INPP4B: variants seen among roughly 807,000 people sequenced by gnomAD.
INPP4B encodes inositol polyphosphate-4-phosphatase type II B.
In INPP4B, 55 loss-of-function variants were observed where a neutral mutation model predicts 122.5. The ratio of observed to expected loss-of-function variants is 0.45; its 90% confidence interval spans 0.36 to 0.56. The LOEUF is 0.56. INPP4B is among the 20% of genes least tolerant of loss of function. INPP4B has a pLI of 0.00. For missense variants in INPP4B, 1,000 were observed against 1,097.7 expected (o/e 0.91, Z 1.26); for synonymous variants, 403 against 388.7 (o/e 1.04, Z -0.43).
At chr4:142,688,285 A>T (rs1486907153) in intron 2 of INPP4B, among the ~76,000 whole-genome samples, 1 of 152,144 alleles carries the variant, frequency 6.6e-6, no homozygotes, top group Non-Finnish European at 1.5e-5. Flanking sequence ...TTTCTCTGTG[A>T]GTGCTGAAAG....
rs1278492611 is a variant in INPP4B at position 142,383,940 on chromosome 4, CTGT to C, written c.372+18995_372+18997del. On this transcript the variant is annotated intron_variant, in intron 7 of 25. Coordinates refer to ENST00000262992, the MANE Select transcript of INPP4B (RefSeq NM_001101669.3). ...CATGTCCAGCTATTTCACAAGAAAACTGTTGTGTCTCATTAAGTTACCATCGTG... is the reference window on the plus strand; with the variant it reads ...CATGTCCAGCTATTTCACAAGAAAACTGTGTCTCATTAAGTTACCATCGTG... 12 of 589,324 alleles carry C rather than the reference CTGT, an allele frequency of 2.0e-5. No homozygotes were observed. The East Asian group carries it at 3.4e-4, about 17-fold the overall frequency. 36.5% of individuals were successfully genotyped at this position (589,324 alleles called of 1,614,324 possible).
At chr4:142,770,713 A>G (rs929215111) in intron 1 of INPP4B, among the ~76,000 whole-genome samples, 2 of 152,120 alleles carry the variant, frequency 1.3e-5, no homozygotes, top group African/African-American at 4.8e-5. Flanking sequence ...GAGTGATTAC[A>G]GAATTAAAGA....
intron 15 of INPP4B, among the ~76,000 whole-genome samples, chr4:142,184,894 T>C (rs373515146): frequency 2.0e-5 from 3 of 152,280 alleles, no homozygotes; most frequent in African/African-American, 7.2e-5. Flanking sequence ...TATATATTAT[T>C]GCACCTTAGA....
At chr4:142,844,686 C>T (rs1783969459) in intron 1 of INPP4B, among the ~76,000 whole-genome samples, 1 of 152,244 alleles carries the variant, frequency 6.6e-6, no homozygotes, top group Non-Finnish European at 1.5e-5. Flanking sequence ...CCAGTCCTTG[C>T]TTTACTCAAC....
chr4:142,260,536 G>T lies in INPP4B; in HGVS notation c.644C>A (p.Pro215Gln). ...GTTATCTTTTCCGCTCACACTTTCC[G>T]GGGCTGTACATTCACATACCAGGGC... The part of the protein sequence containing the change: ...KCALVCECTA[P>Q]ESVSGKDNLP... The change falls in exon 11 of 26, where the codon CCG (proline) becomes CAG (glutamine). Residue 215 changes from proline (P) to glutamine (Q), a missense_variant. By Grantham distance (76) the Pro-to-Gln change is moderately conservative. Coordinates refer to ENST00000262992, the MANE Select transcript of INPP4B (RefSeq NM_001101669.3). 1 of 1,608,720 alleles carries T rather than the reference G, an allele frequency of 6.2e-7. No homozygotes were observed. The highest frequency in any genetic ancestry group is 8.5e-7 in the Non-Finnish European group (1 of 1,177,320).
chr4:142,587,019 T>A (rs894387322), intron 2 of INPP4B, among the ~76,000 whole-genome samples: 2 of 152,168 alleles, frequency 1.3e-5, no homozygotes, highest in African/African-American at 4.8e-5. Flanking sequence ...GGACCTTGAA[T>A]GCTATTTTCA....
intron 3 of INPP4B, among the ~76,000 whole-genome samples, chr4:142,453,372 T>C (rs534306309): frequency 2.0e-5 from 3 of 152,178 alleles, no homozygotes; most frequent in Non-Finnish European, 4.4e-5. Context: ...TAGAGCTGAC[T>C]GAATTCCTTA....
intron 2 of INPP4B, among the ~76,000 whole-genome samples, chr4:142,657,748 T>C (rs1754423376): frequency 6.6e-6 from 1 of 152,216 alleles, no homozygotes; most frequent in Non-Finnish European, 1.5e-5. Context: ...AAAATGTTTT[T>C]GCTGCTTTAA....
At chr4:142,063,874 C>T (rs1369635506) in intron 25 of INPP4B, among the ~76,000 whole-genome samples, 7 of 152,058 alleles carry the variant, frequency 4.6e-5, no homozygotes, top group Non-Finnish European at 1.0e-4. Flanking sequence ...TTTCTTTTAC[C>T]TTGCCATAAA....
intron 5 of INPP4B, among the ~76,000 whole-genome samples, chr4:142,412,144 A>T (rs3775705): frequency 0.26 from 40,104 of 151,920 alleles, 6,506 homozygotes; most frequent in South Asian, 0.39. Context: ...AATTTAGGTT[A>T]TGTTTCCAGT....
At chr4:142,403,106 TG>T in intron 6 of INPP4B, 52 bp from the exon 7 acceptor site, 1 of 952,178 alleles carries the variant, frequency 1.1e-6, no homozygotes, top group Non-Finnish European at 1.7e-6. Context: ...CAACTGTAGT[TG>T]GCAGCACGCA....
At chr4:142,659,881 C>T (rs1392251492) in intron 2 of INPP4B, among the ~76,000 whole-genome samples, 1 of 151,496 alleles carries the variant, frequency 6.6e-6, no homozygotes, top group Non-Finnish European at 1.5e-5. Flanking sequence ...CATGCAACCC[C>T]ACCCCCACCC....
intron 2 of INPP4B, among the ~76,000 whole-genome samples, chr4:142,555,083 T>A (rs1486221648): frequency 6.6e-6 from 1 of 151,850 alleles, no homozygotes; most frequent in Admixed American, 6.6e-5. Flanking sequence ...ATCCAACACA[T>A]CCAATTGGAG....
chr4:142,070,599 G>A (rs933127853), intron 25 of INPP4B, among the ~76,000 whole-genome samples: 16 of 152,122 alleles, frequency 1.1e-4, no homozygotes, highest in African/African-American at 2.4e-5. Context: ...CATCGTCTGA[G>A]CCCCAAATAC....
At chr4:142,290,918 T>C (rs1756191808) in intron 9 of INPP4B, among the ~76,000 whole-genome samples, 1 of 152,146 alleles carries the variant, frequency 6.6e-6, no homozygotes, top group South Asian at 2.1e-4. Context: ...TGATGACCAA[T>C]ATTTATTGGC....
intron 18 of INPP4B, among the ~76,000 whole-genome samples, chr4:142,134,972 T>C (rs139223835): frequency 7.2e-4 from 110 of 152,262 alleles, no homozygotes; most frequent in African/African-American, 2.5e-3. Context: ...TTGGTACTTG[T>C]ATGTTGTATG....
chr4:142,840,760 T>C (rs1268705680), intron 1 of INPP4B, among the ~76,000 whole-genome samples: 2 of 152,112 alleles, frequency 1.3e-5, no homozygotes, highest in African/African-American at 4.8e-5. Flanking sequence ...AAATGCACAA[T>C]GGATGTCTTC....
intron 2 of INPP4B, among the ~76,000 whole-genome samples, chr4:142,497,980 A>G (rs947921836): frequency 1.3e-5 from 2 of 152,248 alleles, no homozygotes; most frequent in Admixed American, 1.3e-4. Flanking sequence ...TTTGTGAATG[A>G]AAAGAAAAAA....
chr4:142,757,531 C>A (rs1398924009), intron 1 of INPP4B, among the ~76,000 whole-genome samples: 1 of 152,128 alleles, frequency 6.6e-6, no homozygotes, highest in Admixed American at 6.6e-5. Context: ...TGGAATCATA[C>A]AGCATATAAC....
Sources: allele counts gnomAD v4.1 joint callset (sites outside exome capture counted in the v4.1 genomes callset), GRCh38; gene constraint gnomAD v4.1.1; transcripts MANE v1.5; gene names NCBI Gene and HGNC (gene_info 2026-07-23, HGNC 2026-07-21).